CRTC3: variants seen among roughly 807,000 people sequenced by gnomAD.
The protein encoded by CRTC3 is CREB-regulated transcription coactivator 3.
Under a neutral mutation model 74.5 loss-of-function variants are expected in CRTC3, and 26 were observed. That is an observed-to-expected ratio of 0.35 (90% CI 0.26 to 0.48). The LOEUF (loss-of-function observed/expected upper bound fraction) is 0.48, where lower values mean the gene tolerates loss of function less well. Among genes scored for constraint, CRTC3 ranks in the 20% least tolerant of loss-of-function variants. CRTC3 has a pLI of 0.99. For synonymous variants in CRTC3, 377 were observed against 325.8 expected, an observed-to-expected ratio of 1.16 and a Z score of -1.69; for missense variants, 760 against 787.3, an observed-to-expected ratio of 0.97 and a Z score of 0.41.
intron 2 of CRTC3, among the ~76,000 whole-genome samples, chr15:90,565,959 G>T (rs1967114283): frequency 6.6e-6 from 1 of 152,212 alleles, no homozygotes; most frequent in Admixed American, 6.5e-5. Context: ...AGCTGCAAAT[G>T]ATTGAGGTTA....
chr15:90,597,617 A>G (rs568632805), intron 3 of CRTC3, among the ~76,000 whole-genome samples: 6 of 152,356 alleles, frequency 3.9e-5, no homozygotes, highest in African/African-American at 9.6e-5. Flanking sequence ...GCCTGACCGT[A>G]TATATCAGGG....
At chr15:90,580,711 A>T (rs890859807) in intron 2 of CRTC3, among the ~76,000 whole-genome samples, 8 of 152,060 alleles carry the variant, frequency 5.3e-5, no homozygotes, top group African/African-American at 1.9e-4. Flanking sequence ...TATAGGCGTG[A>T]GCCACTGCAC....
At chr15:90,588,259 C>CAAAA (rs11397268) in intron 2 of CRTC3, among the ~76,000 whole-genome samples, 2 of 137,818 alleles carry the variant, frequency 1.5e-5, no homozygotes, top group Non-Finnish European at 3.1e-5. Context: ...GACTCTGTCT[C>CAAAA]AAAAAAAAAA....
At position 90,530,359 on chromosome 15, in the gene CRTC3, T is replaced by C. The variant is rs926101566; in HGVS notation, c.132+156T>C. On this transcript the variant is annotated intron_variant, in intron 1 of 14. Coordinates refer to ENST00000268184, the MANE Select transcript of CRTC3 (RefSeq NM_022769.5). This position sits in a 1 kb window ranked among gnomAD's most constrained non-coding sequence, Gnocchi z 6.2. Reference sequence around the variant, plus strand: ...GAGGGGGACCGGAGCGGCCGCGGCCTCGGCGTTTCCCCGCCTGGCGACACC... The same window carrying C: ...GAGGGGGACCGGAGCGGCCGCGGCCCCGGCGTTTCCCCGCCTGGCGACACC... Among the ~76,000 whole-genome samples the C allele has an allele frequency of 4.0e-5, 6 of 151,416 alleles. No homozygotes were observed. The highest frequency in any genetic ancestry group is 6.6e-5 in the Admixed American group (1 of 15,218).
At chr15:90,636,142 C>G (rs1191404302) in intron 11 of CRTC3, among the ~76,000 whole-genome samples, 1 of 151,680 alleles carries the variant, frequency 6.6e-6, no homozygotes, top group Non-Finnish European at 1.5e-5. Context: ...CATCATGCTA[C>G]CTGACTTCAA....
At chr15:90,604,334 G>A (rs778926258) in intron 4 of CRTC3, 51 bp from the exon 5 acceptor site, 8 of 1,450,908 alleles carry the variant, frequency 5.5e-6, no homozygotes, top group Non-Finnish European at 4.8e-6. Context: ...GCCCTCCTTT[G>A]CTGTCTGTGG....
intron 2 of CRTC3, among the ~76,000 whole-genome samples, chr15:90,563,826 C>T (rs1414886178): frequency 6.6e-6 from 1 of 152,152 alleles, no homozygotes; most frequent in African/African-American, 2.4e-5. Context: ...ACATATTTGC[C>T]CTTTGTTTTT....
chr15:90,604,416 C>G lies in CRTC3; in HGVS notation c.445C>G (p.Pro149Ala), dbSNP rs1968163041. The change falls in exon 5 of 15, where the codon CCT becomes GCT. Residue 149 changes from proline to alanine, a missense_variant. By Grantham distance (27) the Pro-to-Ala change is conservative (BLOSUM62 -1). This residue lies in a region of CRTC3 where 652 missense variants were observed against 635.2 expected (regional missense o/e 1.03). Transcript: ENST00000268184. ...GCCTCCTTGGAAAGACGAAAAGCAT[C>G]CTGGGTTCAGGCTGACATCTGCACT... is the stretch of plus-strand genomic sequence containing the variant. ...QQPPWKDEKH[P>A]GFRLTSALNR... The G allele has an allele frequency of 6.2e-7, 1 of 1,613,906 alleles. No individual in the cohort carries two copies. Among genetic ancestry groups the G allele is most frequent in the Admixed American group, 1.7e-5 (1 of 59,986 alleles).
At chr15:90,544,447 A>G (rs183335681) in intron 2 of CRTC3, among the ~76,000 whole-genome samples, 196 of 152,350 alleles carry the variant, frequency 1.3e-3, no homozygotes, top group Non-Finnish European at 1.8e-3. Context: ...TTTGGTGGCC[A>G]TAATTTAACC....
chr15:90,560,525 G>T (rs149492191), intron 2 of CRTC3, among the ~76,000 whole-genome samples: 53 of 152,340 alleles, frequency 3.5e-4, no homozygotes, highest in Middle Eastern at 3.4e-3. Context: ...TGGGGCAGAC[G>T]ATGAATACTT....
Position 90,642,303 on chromosome 15 carries a change from T to C in CRTC3, c.*163T>C. On this transcript the variant is annotated 3_prime_UTR_variant, in exon 15 of 15. Transcript: ENST00000268184. ...GAGATCCCATCTCAGACACTGTGGCTTCCTCCAGATCACACAGCTTTGTAC... is the reference window on the plus strand; with the variant it reads ...GAGATCCCATCTCAGACACTGTGGCCTCCTCCAGATCACACAGCTTTGTAC... 1 of 630,304 alleles carries C rather than the reference T, an allele frequency of 1.6e-6. No homozygotes were observed. Among genetic ancestry groups the C allele is most frequent in the Non-Finnish European group, 2.8e-6 (1 of 359,276 alleles). 39.0% of individuals were successfully genotyped at this position (630,304 alleles called of 1,614,324 possible). A position where few individuals can be genotyped will look rare whatever the true frequency, so the allele number is the denominator to read the frequency against.
chr15:90,617,217 C>A (rs1968516759), intron 7 of CRTC3, among the ~76,000 whole-genome samples: 1 of 152,202 alleles, frequency 6.6e-6, no homozygotes, highest in African/African-American at 2.4e-5. Flanking sequence ...TCTTCCTCTT[C>A]TGCACTTCAT....
chr15:90,582,176 T>C (rs1230375719), intron 2 of CRTC3, among the ~76,000 whole-genome samples: 1 of 152,228 alleles, frequency 6.6e-6, no homozygotes, highest in Non-Finnish European at 1.5e-5. Flanking sequence ...ACCCAGAACA[T>C]ATTTCTCTAG....
chr15:90,641,795 A>C (rs1051287550), intron 14 of CRTC3, 137 bp from the exon 15 acceptor site: 9 of 689,164 alleles, frequency 1.3e-5, no homozygotes, highest in African/African-American at 9.0e-5. Flanking sequence ...ATTCCAGGGC[A>C]AGAACTGTGG....
intron 7 of CRTC3, among the ~76,000 whole-genome samples, chr15:90,617,670 C>G (rs1401623319): frequency 6.6e-6 from 1 of 152,122 alleles, no homozygotes; most frequent in Non-Finnish European, 1.5e-5. Context: ...GTTGGGACTA[C>G]AGGTGTGAGC....
chr15:90,637,412 G>T (rs986893380), intron 11 of CRTC3, among the ~76,000 whole-genome samples: 1 of 152,150 alleles, frequency 6.6e-6, no homozygotes, highest in Non-Finnish European at 1.5e-5. Context: ...TGTGGGATGC[G>T]GGGAAGGGGG....
At chr15:90,628,473 C>G (rs1178314456) in intron 10 of CRTC3, among the ~76,000 whole-genome samples, 1 of 152,142 alleles carries the variant, frequency 6.6e-6, no homozygotes. Context: ...CATGCCAGGC[C>G]CTGTGCCAGG....
rs370212166 is a variant in CRTC3 at position 90,634,917 on chromosome 15, G to A, written c.1267-3529G>A. 2,329 of 1,576,622 alleles carry A rather than the reference G, an allele frequency of 1.5e-3. 38 individuals are homozygous for A. The South Asian group carries it at 0.02, about 13-fold the overall frequency. On this transcript the variant is annotated intron_variant, in intron 11 of 14. Coordinates refer to ENST00000268184, the MANE Select transcript of CRTC3 (RefSeq NM_022769.5). ...GGCTGGAGAGATTCAACCAGTTAGC[G>A]TGAAAGTTGGAGATAAAGTTCTTCT...
At chr15:90,640,443 T>C (rs1407258780) in intron 13 of CRTC3, among the ~76,000 whole-genome samples, 1 of 152,122 alleles carries the variant, frequency 6.6e-6, no homozygotes, top group Non-Finnish European at 1.5e-5. Context: ...CCCAGCACTT[T>C]GGGAGGCCAA....
Sources: gnomAD v4.1 joint callset for allele counts (sites outside exome capture counted in the v4.1 genomes callset) on GRCh38, gnomAD v4.1.1 for gene constraint, gnomAD v4.1.1 regional missense constraint, Gnocchi (gnomAD v3.1) non-coding constraint, MANE v1.5 for transcripts, NCBI Gene and HGNC (gene_info 2026-07-23, HGNC 2026-07-21) for gene names.